Variants in LRRC37A3 observed in about 807,000 individuals in gnomAD.
LRRC37A3 encodes leucine rich repeat containing 37 member A3, also known as leucine-rich repeat-containing protein 37A3.
Under a neutral mutation model 106.2 loss-of-function variants are expected in LRRC37A3, and 25 were observed. The observed-to-expected ratio is 0.24, with a 90% CI of 0.17 to 0.33. The LOEUF (loss-of-function observed/expected upper bound fraction) is 0.33. Among genes scored for constraint, LRRC37A3 ranks in the 10% least tolerant of loss-of-function variants. The probability of loss-of-function intolerance (pLI) is 1.00; values close to 1 mark genes in which losing one functional copy is unlikely to be tolerated. For missense variants in LRRC37A3, 712 were observed against 1,644.9 expected (o/e 0.43, Z 9.81); for synonymous variants, 305 against 635.8 (o/e 0.48, Z 7.83).
intron 8 of LRRC37A3, among the ~76,000 whole-genome samples, chr17:64,873,348 T>TG (rs778649753): frequency 1.3e-5 from 2 of 151,622 alleles, no homozygotes; most frequent in African/African-American, 2.4e-5. Flanking sequence ...TTTTTATAGG[T>TG]GGGGTCTTGC....
intron 9 of LRRC37A3, among the ~76,000 whole-genome samples, 186 bp downstream of exon 9, chr17:64,868,909 C>T (rs866511499): frequency 1.3e-5 from 2 of 152,094 alleles, no homozygotes; most frequent in Middle Eastern, 3.2e-3. Context: ...TGTTCTCTTC[C>T]CCTGCTGGCT....
chr17:64,910,270 C>G (rs1974559580), intron 2 of LRRC37A3: 2 of 152,226 alleles, frequency 1.3e-5, no homozygotes, highest in African/African-American at 2.4e-5. Context: ...CCTCTACTAC[C>G]CTTTGCTGTG....
At chr17:64,855,290 C>T (rs571901938) in intron 14 of LRRC37A3, among the ~76,000 whole-genome samples, 2,249 of 151,488 alleles carry the variant, frequency 0.015, 33 homozygotes, top group Non-Finnish European at 0.02. Context: ...ACTCACATAT[C>T]CTACCTTCCA....
chr17:64,858,689 G>C (rs1972763694), intron 13 of LRRC37A3, 90 bp downstream of exon 13: 10 of 974,602 alleles, frequency 1.0e-5, no homozygotes, highest in Non-Finnish European at 1.7e-5. Flanking sequence ...CAGCAGGTGG[G>C]AAAGTGGCTT....
In LRRC37A3 at chr17:64,862,777, T is replaced by C. The variant is rs572171453; in HGVS notation, c.3172+123A>G. On this transcript the variant is annotated intron_variant, in intron 11 of 14. Coordinates refer to ENST00000584306, the MANE Select transcript of LRRC37A3 (RefSeq NM_199340.5). The stretch of plus-strand genomic sequence containing the variant: ...TTCAGAAATTGAGGGAGTTTAACTC[T>C]GAATGAGTAAATAAAAATAAAGCAA... The C allele has an allele frequency of 1.4e-5, 17 of 1,244,358 alleles. No individual in the cohort carries two copies. The Admixed American group carries it at 2.3e-4, about 17-fold the overall frequency. The allele number at this position is 1,244,358 out of a possible 1,614,324, so 77.1% of individuals were successfully genotyped here.
chr17:64,869,692 C>A (rs531587813), intron 8 of LRRC37A3, among the ~76,000 whole-genome samples: 2 of 151,534 alleles, frequency 1.3e-5, no homozygotes, highest in South Asian at 4.2e-4. Flanking sequence ...AGGCACCCAC[C>A]ACCACGCCCA....
intron 2 of LRRC37A3, chr17:64,909,848 A>G (rs1328519903): frequency 1.3e-5 from 2 of 152,158 alleles, no homozygotes; most frequent in African/African-American, 2.4e-5. Flanking sequence ...AAATTTGTCA[A>G]TGAATTTCCA....
At position 64,866,986 on chromosome 17, in the gene LRRC37A3, T is replaced by C. The variant is rs1440757090; in HGVS notation, c.3053+1476A>G. Among the ~76,000 whole-genome samples, 4 of 151,278 alleles carry C rather than the reference T, an allele frequency of 2.6e-5. No individual in the cohort carries two copies. The East Asian group carries it at 7.8e-4, about 29-fold the overall frequency. On this transcript the variant is annotated intron_variant, in intron 10 of 14. Coordinates refer to ENST00000584306, the MANE Select transcript of LRRC37A3 (RefSeq NM_199340.5). ...TAAAAAATAAAAAAGATACATCACA[T>C]ATGCAAATTAACTCAAAATGGATCA...
intron 13 of LRRC37A3, among the ~76,000 whole-genome samples, chr17:64,856,298 C>T (rs1972676987): frequency 6.6e-6 from 1 of 150,846 alleles, no homozygotes; most frequent in Non-Finnish European, 1.5e-5. Flanking sequence ...CTCACTGTAG[C>T]CTCAACCTCC....
rs1972763214 is a variant in LRRC37A3 at position 64,858,668 on chromosome 17, A to G, written c.4809+111T>C. The stretch of plus-strand genomic sequence containing the variant: ...CACCTCAGCCTTAAATGACTGAAGT[A>G]TGTCAAGTAGCAGCAGGTGGGAAAG... On this transcript the variant is annotated intron_variant, in intron 13 of 14. Coordinates refer to ENST00000584306, the MANE Select transcript of LRRC37A3 (RefSeq NM_199340.5). The G allele has an allele frequency of 5.0e-6, 4 of 805,452 alleles. No individual in the cohort carries two copies. In the East Asian group the frequency reaches 1.0e-4, roughly 21 times the overall value. 49.9% of individuals were successfully genotyped at this position (805,452 alleles called of 1,614,324 possible).
chr17:64,864,228 C>A (rs190147326), intron 10 of LRRC37A3, among the ~76,000 whole-genome samples: 27 of 152,174 alleles, frequency 1.8e-4, no homozygotes, highest in African/African-American at 6.5e-4. Context: ...GAATACATCA[C>A]CTATGCAGTA....
rs71215666 is a variant in LRRC37A3, at chr17:64,899,419, CAAAA to C, written c.-495-964_-495-961del. 1.4e-3 allele frequency among the ~76,000 whole-genome samples: 142 copies of C among 100,210 alleles called. 2 individuals carry two copies. The highest frequency in any genetic ancestry group is 6.4e-3 in the African/African-American group (123 of 19,162). 65.7% of individuals were successfully genotyped at this position (100,210 alleles called of 152,430 possible). On this transcript the variant is annotated intron_variant, in intron 2 of 14. Coordinates refer to ENST00000584306, the MANE Select transcript of LRRC37A3 (RefSeq NM_199340.5). Reference sequence around the variant, plus strand: ...TGGACAACAGAGTGAGACTCCATCTCAAAAAAAAAAAAAAAAAAAAAGATAAAAA... The same window carrying C: ...TGGACAACAGAGTGAGACTCCATCTCAAAAAAAAAAAAAAAAAGATAAAAA...
chr17:64,876,881 G>C (rs996770527), intron 8 of LRRC37A3: 4 of 151,856 alleles, frequency 2.6e-5, no homozygotes, highest in Admixed American at 1.3e-4. Context: ...ATTCTATGAG[G>C]GTGATATTAA....
chr17:64,862,799 G>A (rs1003634696), intron 11 of LRRC37A3, 101 bp downstream of exon 11: 241 of 1,306,810 alleles, frequency 1.8e-4, no homozygotes, highest in Non-Finnish European at 2.6e-5. Flanking sequence ...TAAAAATAAA[G>A]CAATTATGTC....
chr17:64,854,188 A>G lies in LRRC37A3; in HGVS notation c.*411T>C, dbSNP rs540718985. The G allele has an allele frequency of 2.7e-5, 7 of 261,108 alleles. No homozygotes were observed. The South Asian group carries it at 5.1e-4, about 19-fold the overall frequency. 16.2% of individuals were successfully genotyped at this position (261,108 alleles called of 1,614,324 possible). Reference sequence around the variant, plus strand: ...TTGTAAGGGTGAAAAGCCCCCTACCAAGTCGGGATGAACATTCATGCGTGT... The same window carrying G: ...TTGTAAGGGTGAAAAGCCCCCTACCGAGTCGGGATGAACATTCATGCGTGT... On this transcript the variant is annotated 3_prime_UTR_variant, in exon 15 of 15. Transcript: ENST00000584306.
intron 8 of LRRC37A3, among the ~76,000 whole-genome samples, chr17:64,874,052 T>G (rs1336060282): frequency 6.6e-6 from 1 of 152,074 alleles, no homozygotes; most frequent in Non-Finnish European, 1.5e-5. Context: ...GAAAAGCAAC[T>G]CATCACATAC....
At chr17:64,878,288 C>T (rs1029240304) in intron 8 of LRRC37A3, among the ~76,000 whole-genome samples, 13 of 152,230 alleles carry the variant, frequency 8.5e-5, no homozygotes, top group Non-Finnish European at 1.2e-4. Context: ...ATTTTATACA[C>T]ACACATGACA....
At chr17:64,884,391 A>C (rs936038127) in intron 8 of LRRC37A3, among the ~76,000 whole-genome samples, 1 of 151,840 alleles carries the variant, frequency 6.6e-6, no homozygotes, top group Non-Finnish European at 1.5e-5. Context: ...TTTGAGACAG[A>C]GTCTCACTCT....
At chr17:64,866,556 G>A (rs1488025314) in intron 10 of LRRC37A3, among the ~76,000 whole-genome samples, 56 of 71,138 alleles carry the variant, frequency 7.9e-4, no homozygotes, top group Non-Finnish European at 1.4e-3. Flanking sequence ...ATATATACAC[G>A]TACATATATA....
Sources: gnomAD v4.1 joint callset for allele counts (sites outside exome capture counted in the v4.1 genomes callset) on GRCh38, gnomAD v4.1.1 for gene constraint, MANE v1.5 for transcripts, NCBI Gene and HGNC (gene_info 2026-07-23, HGNC 2026-07-21) for gene names.